GDI2: variants seen among roughly 807,000 people sequenced by gnomAD.
The protein encoded by GDI2 is rab GDP dissociation inhibitor beta.
In GDI2, 22 loss-of-function variants were observed where a neutral mutation model predicts 54.2. The observed-to-expected ratio is 0.41, with a 90% CI of 0.29 to 0.58. The LOEUF (loss-of-function observed/expected upper bound fraction) is 0.58, where lower values mean the gene tolerates loss of function less well. Ranked by LOEUF, GDI2 falls within the 20% of genes least tolerant of loss-of-function variation. The pLI is 0.35. For synonymous variants in GDI2, 177 were observed against 182.1 expected (o/e 0.97, Z 0.23); for missense variants, 422 against 546.0 (o/e 0.77, Z 2.26).
intron 1 of GDI2, among the ~76,000 whole-genome samples, chr10:5,810,642 A>G (rs1169176393): frequency 1.3e-5 from 2 of 152,220 alleles, no homozygotes; most frequent in African/African-American, 4.8e-5. Flanking sequence ...CTATGTGAAA[A>G]CTTGGTTATC....
chr10:5,773,454 C>T (rs1840545143), intron 7 of GDI2, among the ~76,000 whole-genome samples: 1 of 151,816 alleles, frequency 6.6e-6, no homozygotes, highest in South Asian at 2.1e-4. Flanking sequence ...AGAACATGCA[C>T]TAGAACCAGA....
chr10:5,813,131 A>T lies in GDI2; in HGVS notation c.45+83T>A, dbSNP rs567236163. 402 of 788,832 alleles carry T rather than the reference A, an allele frequency of 5.1e-4. 4 individuals are homozygous for T. In the East Asian group the frequency reaches 0.011, roughly 22 times the overall value. The allele number at this position is 788,832 out of a possible 1,614,324, so 48.9% of individuals were successfully genotyped here. On this transcript the variant is annotated intron_variant, in intron 1 of 10. Coordinates refer to ENST00000380191, the MANE Select transcript of GDI2 (RefSeq NM_001494.4). Reference sequence around the variant, plus strand: ...TGACGGCAGAACGAGACCCCCGAGGAGCTGCGACCCGCGGGCCGTGCAGGA... The same window carrying T: ...TGACGGCAGAACGAGACCCCCGAGGTGCTGCGACCCGCGGGCCGTGCAGGA...
chr10:5,793,041 T>C (rs1462770722), intron 4 of GDI2, among the ~76,000 whole-genome samples: 2 of 151,892 alleles, frequency 1.3e-5, no homozygotes, highest in Admixed American at 1.3e-4. Flanking sequence ...GTCACCCAGG[T>C]TGGAGCGCAG....
At chr10:5,780,697 T>A (rs1164462562) in intron 6 of GDI2, among the ~76,000 whole-genome samples, 1 of 152,182 alleles carries the variant, frequency 6.6e-6, no homozygotes, top group Non-Finnish European at 1.5e-5. Context: ...GCGGCATCAG[T>A]ACAAAGAGAT....
intron 4 of GDI2, 34 bp from the exon 5 acceptor site, chr10:5,786,084 C>T: frequency 7.2e-7 from 1 of 1,387,470 alleles, no homozygotes; most frequent in Non-Finnish European, 1.0e-6. Flanking sequence ...AAAGCACACT[C>T]ACAATCAGAC....
At chr10:5,806,428 G>A (rs561419332) in intron 1 of GDI2, among the ~76,000 whole-genome samples, 7 of 150,362 alleles carry the variant, frequency 4.7e-5, no homozygotes, top group East Asian at 3.9e-4. Context: ...ACAAAAAAAC[G>A]TTTACTGATG....
intron 1 of GDI2, among the ~76,000 whole-genome samples, chr10:5,807,699 T>A (rs1423296501): frequency 1.3e-5 from 2 of 152,216 alleles, no homozygotes; most frequent in African/African-American, 4.8e-5. Context: ...AAAGTGCTAG[T>A]ACGTGTAGAT....
At chr10:5,791,233 T>A (rs373766814) in intron 4 of GDI2, among the ~76,000 whole-genome samples, 1 of 152,144 alleles carries the variant, frequency 6.6e-6, no homozygotes, top group Non-Finnish European at 1.5e-5. Flanking sequence ...AGGTCAAGGC[T>A]ACATTGAGCC....
chr10:5,770,203 C>T (rs1454357564), intron 7 of GDI2, among the ~76,000 whole-genome samples: 1 of 152,152 alleles, frequency 6.6e-6, no homozygotes, highest in Non-Finnish European at 1.5e-5. Context: ...TAGAATGGTG[C>T]TTGCCAGTGG....
intron 2 of GDI2, among the ~76,000 whole-genome samples, chr10:5,800,394 G>C (rs754567022): frequency 8.5e-5 from 13 of 152,148 alleles, no homozygotes; most frequent in Non-Finnish European, 1.3e-4. Context: ...CTCTGTTAAT[G>C]CTAAGAGATA....
intron 6 of GDI2, among the ~76,000 whole-genome samples, chr10:5,777,193 C>A (rs561153270): frequency 3.2e-4 from 48 of 152,146 alleles, no homozygotes; most frequent in Non-Finnish European, 6.5e-4. Flanking sequence ...AAAAGTTATG[C>A]CAGGCACGGT....
intron 4 of GDI2, among the ~76,000 whole-genome samples, chr10:5,790,666 C>T (rs1163406829): frequency 6.6e-6 from 1 of 151,996 alleles, no homozygotes; most frequent in African/African-American, 2.4e-5. Flanking sequence ...AAAAAAATCA[C>T]ATACAAAATA....
chr10:5,772,409 A>G (rs1840510745), intron 7 of GDI2, among the ~76,000 whole-genome samples: 1 of 152,238 alleles, frequency 6.6e-6, no homozygotes, highest in Non-Finnish European at 1.5e-5. Context: ...GTCAAGATGA[A>G]ACAGGGTTAT....
At chr10:5,797,378 C>G (rs776996064) in intron 2 of GDI2, among the ~76,000 whole-genome samples, 53 of 151,982 alleles carry the variant, frequency 3.5e-4, no homozygotes, top group Non-Finnish European at 5.4e-4. Flanking sequence ...AACCCCATCT[C>G]TACTGAAAAT....
intron 1 of GDI2, among the ~76,000 whole-genome samples, chr10:5,809,394 C>G (rs541356886): frequency 4.9e-4 from 75 of 152,286 alleles, no homozygotes; most frequent in African/African-American, 1.7e-3. Flanking sequence ...GCTTCTGTTT[C>G]AAGCAAAACA....
rs1218818479 is a variant in GDI2, at chr10:5,807,267, T to C, written c.45+5947A>G. On this transcript the variant is annotated intron_variant, in intron 1 of 10. Transcript: ENST00000380191. ...AATGATCCTAAAATTTTAATATTTT[T>C]CCAAAATTACCAGCTCAAAATTAAA... is the stretch of plus-strand genomic sequence containing the variant. Among the ~76,000 whole-genome samples, 6 of 152,206 alleles carry C rather than the reference T, an allele frequency of 3.9e-5. No individual in the cohort carries two copies. In the East Asian group the frequency reaches 9.6e-4, roughly 24 times the overall value.
chr10:5,807,758 TC>T (rs1841405024), intron 1 of GDI2, among the ~76,000 whole-genome samples: 1 of 152,236 alleles, frequency 6.6e-6, no homozygotes, highest in Admixed American at 6.5e-5. Context: ...ACTGACGTTC[TC>T]TTCCTTCAGC....
Position 5,776,485 on chromosome 10 carries a change from G to A in GDI2, c.720-2544C>T. 4 of 1,063,436 alleles carry A rather than the reference G, an allele frequency of 3.8e-6. No individual in the cohort carries two copies. The highest frequency in any genetic ancestry group is 3.4e-5 in the Admixed American group (2 of 58,546). The allele number at this position is 1,063,436 out of a possible 1,614,324, so 65.9% of individuals were successfully genotyped here. A position where few individuals can be genotyped will look rare whatever the true frequency, so the allele number is the denominator to read the frequency against. On this transcript the variant is annotated intron_variant, in intron 6 of 10. Coordinates refer to ENST00000380191, the MANE Select transcript of GDI2 (RefSeq NM_001494.4). This position sits in a 1 kb window ranked among gnomAD's most constrained non-coding sequence, Gnocchi z 5.3. The stretch of plus-strand genomic sequence containing the variant: ...CAAAAGAGTGAGCCAGCAGAGCCAT[G>A]TATTAGAAGCAAAGGCCCGAAAGAT...
chr10:5,808,280 A>T (rs1379625648), intron 1 of GDI2, among the ~76,000 whole-genome samples: 1 of 152,144 alleles, frequency 6.6e-6, no homozygotes, highest in Non-Finnish European at 1.5e-5. Flanking sequence ...AGCTGTGATC[A>T]CACAACTGCA....
Sources: allele counts gnomAD v4.1 joint callset (sites outside exome capture counted in the v4.1 genomes callset), GRCh38; gene constraint gnomAD v4.1.1; non-coding constraint Gnocchi (gnomAD v3.1); transcripts MANE v1.5; gene names NCBI Gene and HGNC (gene_info 2026-07-23, HGNC 2026-07-21).